Variants in CLSTN2 observed in about 807,000 individuals in gnomAD.
The protein encoded by CLSTN2 is calsyntenin 2, also known as calsyntenin-2.
In CLSTN2, 48 loss-of-function variants were observed where a neutral mutation model predicts 101.2. The ratio of observed to expected loss-of-function variants is 0.47; its 90% CI spans 0.38 to 0.60. The LOEUF is 0.60. Ranked by LOEUF, CLSTN2 falls within the 20% of genes least tolerant of loss-of-function variation. CLSTN2 has a pLI of 0.00. For synonymous variants in CLSTN2, 481 were observed against 463.6 expected, an observed-to-expected ratio of 1.04 and a Z score of -0.48; for missense variants, 1,160 against 1,238.2, an observed-to-expected ratio of 0.94 and a Z score of 0.95.
intron 1 of CLSTN2, among the ~76,000 whole-genome samples, chr3:140,072,469 T>C (rs1025704362): frequency 1.3e-5 from 2 of 152,224 alleles, no homozygotes; most frequent in Non-Finnish European, 2.9e-5. Flanking sequence ...AAATTAACAA[T>C]GTTAATTTTA....
chr3:140,378,597 A>G (rs990881747), intron 2 of CLSTN2, among the ~76,000 whole-genome samples: 1 of 152,222 alleles, frequency 6.6e-6, no homozygotes, highest in Non-Finnish European at 1.5e-5. Context: ...ACTTGTTGGC[A>G]CTATGATCCT....
At chr3:140,286,173 G>A (rs1386395703) in intron 2 of CLSTN2, among the ~76,000 whole-genome samples, 1 of 152,146 alleles carries the variant, frequency 6.6e-6, no homozygotes, top group South Asian at 2.1e-4. Flanking sequence ...CAACCTCTCT[G>A]TCCAGGTCCT....
intron 1 of CLSTN2, among the ~76,000 whole-genome samples, chr3:140,112,738 G>A (rs951000363): frequency 1.6e-4 from 24 of 152,116 alleles, no homozygotes; most frequent in African/African-American, 5.6e-4. Flanking sequence ...AGCAGGCACC[G>A]TGGTGAGAGA....
chr3:140,329,647 T>A (rs2087362897), intron 2 of CLSTN2, among the ~76,000 whole-genome samples: 1 of 152,204 alleles, frequency 6.6e-6, no homozygotes, highest in Non-Finnish European at 1.5e-5. Flanking sequence ...TTTTCTTTGA[T>A]TTTATAGGCA....
chr3:140,357,812 A>C (rs1290386820), intron 2 of CLSTN2, among the ~76,000 whole-genome samples: 1 of 152,170 alleles, frequency 6.6e-6, no homozygotes, highest in Non-Finnish European at 1.5e-5. Context: ...AGGGTCACCA[A>C]TATGTTCTAG....
intron 8 of CLSTN2, among the ~76,000 whole-genome samples, chr3:140,493,817 C>G (rs1272965110): frequency 1.3e-5 from 2 of 152,218 alleles, no homozygotes; most frequent in African/African-American, 4.8e-5. Flanking sequence ...AATGGCTTAT[C>G]TTAGCCATAC....
At chr3:140,173,406 T>A (rs961627930) in intron 1 of CLSTN2, among the ~76,000 whole-genome samples, 2 of 152,214 alleles carry the variant, frequency 1.3e-5, no homozygotes, top group African/African-American at 4.8e-5. Flanking sequence ...CCAGCTGCTT[T>A]CATGGGCTGA....
At position 140,563,132 on chromosome 3, in the gene CLSTN2, T is replaced by G; in HGVS notation, c.2411T>G (p.Leu804Arg). The G allele has an allele frequency of 1.9e-6, 3 of 1,614,114 alleles. No homozygotes were observed. Among genetic ancestry groups the G allele is most frequent in the Non-Finnish European group, 2.5e-6 (3 of 1,179,960 alleles). ...TCAGATAAGGAGCATGTCAATCATC[T>G]GATTGTGCAGCCTCCCTTCCTCCAG... ...QVSDKEHVNH[L>R]IVQPPFLQSV... The change falls in exon 15 of 17, where the codon CTG becomes CGG. Residue 804 changes from leucine (L) to arginine (R), a missense_variant. By Grantham distance (102) the Leu-to-Arg change is moderately radical (BLOSUM62 -2). Coordinates refer to ENST00000458420, the MANE Select transcript of CLSTN2 (RefSeq NM_022131.3).
intron 1 of CLSTN2, among the ~76,000 whole-genome samples, chr3:140,049,202 C>T (rs2007940742): frequency 6.6e-6 from 1 of 152,260 alleles, no homozygotes; most frequent in Admixed American, 6.5e-5. Flanking sequence ...GAATAAATCA[C>T]CTTCACGTCT....
At chr3:140,071,942 T>A (rs191720021) in intron 1 of CLSTN2, among the ~76,000 whole-genome samples, 1 of 152,194 alleles carries the variant, frequency 6.6e-6, no homozygotes, top group African/African-American at 2.4e-5. Flanking sequence ...CTATGATATA[T>A]CTTTATCTGT....
chr3:140,083,138 C>T (rs2008626403), intron 1 of CLSTN2, among the ~76,000 whole-genome samples: 1 of 152,084 alleles, frequency 6.6e-6, no homozygotes, highest in Non-Finnish European at 1.5e-5. Flanking sequence ...TTCTTGTATT[C>T]TTCTGTTATA....
At chr3:140,237,292 G>A (rs369565525) in intron 2 of CLSTN2, among the ~76,000 whole-genome samples, 20 of 152,216 alleles carry the variant, frequency 1.3e-4, no homozygotes, top group African/African-American at 3.4e-4. Context: ...TCCATGTGTC[G>A]TACATTACAA....
intron 11 of CLSTN2, among the ~76,000 whole-genome samples, chr3:140,557,805 G>T (rs1463307817): frequency 6.6e-6 from 1 of 152,216 alleles, no homozygotes; most frequent in African/African-American, 2.4e-5. Flanking sequence ...CCTACATCTA[G>T]ATGACCAGGG....
At chr3:140,493,081 C>G (rs1934384773) in intron 8 of CLSTN2, among the ~76,000 whole-genome samples, 1 of 152,190 alleles carries the variant, frequency 6.6e-6, no homozygotes, top group Non-Finnish European at 1.5e-5. Context: ...AATTTACAAC[C>G]AAGACCTTTG....
intron 5 of CLSTN2, among the ~76,000 whole-genome samples, chr3:140,441,139 G>A (rs1209836571): frequency 1.3e-5 from 2 of 152,244 alleles, no homozygotes; most frequent in Non-Finnish European, 2.9e-5. Context: ...CAAGAAGCAA[G>A]ACATTCTTTT....
intron 8 of CLSTN2, among the ~76,000 whole-genome samples, chr3:140,473,379 T>C (rs1179670462): frequency 2.0e-5 from 3 of 152,322 alleles, no homozygotes; most frequent in Admixed American, 2.0e-4. Context: ...TGTGAATATG[T>C]GGCATTACAT....
chr3:140,222,188 T>C (rs1439960502), intron 2 of CLSTN2, among the ~76,000 whole-genome samples: 1 of 150,696 alleles, frequency 6.6e-6, no homozygotes, highest in Non-Finnish European at 1.5e-5. Context: ...GAACTGGAGG[T>C]CATTATGTTA....
At chr3:139,954,045 G>A (rs990350316) in intron 1 of CLSTN2, among the ~76,000 whole-genome samples, 3 of 151,906 alleles carry the variant, frequency 2.0e-5, no homozygotes, top group Non-Finnish European at 2.9e-5. Flanking sequence ...ATGTCACAGG[G>A]GTTTGGTATA....
At chr3:140,233,692 A>C (rs1213152291) in intron 2 of CLSTN2, among the ~76,000 whole-genome samples, 1 of 152,176 alleles carries the variant, frequency 6.6e-6, no homozygotes, top group Non-Finnish European at 1.5e-5. Context: ...TTGTGGTGTT[A>C]ATCTCAGATA....
Sources: allele counts gnomAD v4.1 joint callset (sites outside exome capture counted in the v4.1 genomes callset), GRCh38; gene constraint gnomAD v4.1.1; transcripts MANE v1.5; gene names NCBI Gene and HGNC (gene_info 2026-07-23, HGNC 2026-07-21).